Variants in ELF2 observed in about 807,000 individuals in gnomAD.
ELF2 encodes ETS-related transcription factor Elf-2.
In ELF2, 11 loss-of-function variants were observed where a neutral mutation model predicts 54.8. The observed-to-expected ratio is 0.20, with a 90% CI of 0.13 to 0.33. The LOEUF is 0.33. Ranked by LOEUF, ELF2 falls within the 10% of genes least tolerant of loss-of-function variation. The pLI, the probability that ELF2 is intolerant of heterozygous loss-of-function variation, is 1.00. For missense variants in ELF2, 513 were observed against 703.0 expected, an observed-to-expected ratio of 0.73 and a Z score of 3.06; for synonymous variants, 203 against 245.1, an observed-to-expected ratio of 0.83 and a Z score of 1.61.
chr4:139,125,716 G>C (rs1481429536), intron 3 of ELF2, among the ~76,000 whole-genome samples: 2 of 148,074 alleles, frequency 1.4e-5, no homozygotes, highest in East Asian at 4.1e-4. Flanking sequence ...CTGGAAGACT[G>C]AAAGTGTCTG....
rs1553959669 is a variant in ELF2, at chr4:139,092,414, T to TACATAACATAACATA, written c.239-18862_239-18848dup. Among the ~76,000 whole-genome samples the TACATAACATAACATA allele has an allele frequency of 5.1e-4, 45 of 87,818 alleles. 1 individual carries two copies. Among genetic ancestry groups the TACATAACATAACATA allele is most frequent in the African/African-American group, 1.8e-3 (43 of 23,354 alleles). 57.6% of individuals were successfully genotyped at this position (87,818 alleles called of 152,430 possible). A position where few individuals can be genotyped will look rare whatever the true frequency, so the allele number is the denominator to read the frequency against. On this transcript the variant is annotated intron_variant, in intron 4 of 9. Transcript: ENST00000686138. ...TAACATAACATAACATAACATAACA[T>TACATAACATAACATA]ACATAACATAACATAACATAACATA...
intron 4 of ELF2, among the ~76,000 whole-genome samples, chr4:139,098,494 A>G (rs746798031): frequency 9.5e-5 from 14 of 147,522 alleles, no homozygotes; most frequent in Non-Finnish European, 1.5e-4. Context: ...TTTGAGACAG[A>G]GCTTCACTCT....
intron 1 of ELF2, among the ~76,000 whole-genome samples, 193 bp downstream of exon 1, chr4:139,176,774 T>C (rs1742991512): frequency 6.6e-6 from 1 of 150,882 alleles, no homozygotes; most frequent in African/African-American, 2.4e-5. Context: ...CTGGGGACAC[T>C]CAGCCCCCTT....
chr4:139,064,532 G>C (rs1400197003), intron 7 of ELF2, among the ~76,000 whole-genome samples: 3 of 152,182 alleles, frequency 2.0e-5, no homozygotes, highest in Non-Finnish European at 4.4e-5. Flanking sequence ...TGAAAATCCA[G>C]TAAATTCATT....
intron 1 of ELF2, among the ~76,000 whole-genome samples, chr4:139,165,906 GTCA>G (rs761759313): frequency 1.3e-4 from 20 of 152,260 alleles, no homozygotes; most frequent in South Asian, 4.1e-4. Flanking sequence ...AATCTAATAT[GTCA>G]TCAGTCATAA....
At chr4:139,171,609 CA>C (rs112847959) in intron 1 of ELF2, among the ~76,000 whole-genome samples, 53,391 of 145,498 alleles carry the variant, frequency 0.37, 10,368 homozygotes, top group African/African-American at 0.53. Flanking sequence ...GAGAAAAAAA[CA>C]AAAAAAAAAA....
upstream of ELF2, among the ~76,000 whole-genome samples, chr4:139,177,461 C>T (rs1247899384): frequency 6.6e-6 from 1 of 152,050 alleles, no homozygotes; most frequent in Non-Finnish European, 1.5e-5. Flanking sequence ...CCCTCGGGCC[C>T]CCACCAGCCC....
At chr4:139,115,118 G>C in intron 4 of ELF2, 3 of 1,613,816 alleles carry the variant, frequency 1.9e-6, no homozygotes, top group Non-Finnish European at 1.7e-6. Flanking sequence ...TCCTCTTCCT[G>C]GCAGTCGTAG....
rs1727420200 is a variant in ELF2, at chr4:139,059,063, C to T, written c.1702G>A (p.Val568Ile). 6.2e-7 allele frequency: 1 copy of T among 1,613,942 alleles called. No homozygotes were observed. Among genetic ancestry groups the T allele is most frequent in the Non-Finnish European group, 8.5e-7 (1 of 1,179,846 alleles). ...PADGNKTVTH[V>I]VVVSAPSAIA... Reference sequence around the variant, plus strand: ...GCTGAAGGCGCACTGACAACCACTACGTGGGTCACTGTCTTATTTCCATCT... The same window carrying T: ...GCTGAAGGCGCACTGACAACCACTATGTGGGTCACTGTCTTATTTCCATCT... The change falls in exon 10 of 10, where the codon GTA (valine) becomes ATA (isoleucine). Residue 568 changes from valine to isoleucine, a missense_variant. This residue lies in a region of ELF2 where 291 missense variants were observed against 366.1 expected (regional missense o/e 0.79). Coordinates refer to ENST00000686138, the MANE Select transcript of ELF2 (RefSeq NM_001331036.3).
At chr4:139,120,923 T>G (rs190034916) in intron 4 of ELF2, among the ~76,000 whole-genome samples, 17 of 152,224 alleles carry the variant, frequency 1.1e-4, no homozygotes, top group Admixed American at 1.0e-3. Flanking sequence ...CAGTTTACAA[T>G]GCATTTCACC....
At chr4:139,082,935 G>A (rs1017016291) in intron 4 of ELF2, among the ~76,000 whole-genome samples, 1 of 152,200 alleles carries the variant, frequency 6.6e-6, no homozygotes, top group African/African-American at 2.4e-5. Flanking sequence ...CGCTGCAGCA[G>A]TGGCGCCGCA....
At chr4:139,141,297 G>A (rs775443556) in intron 1 of ELF2, among the ~76,000 whole-genome samples, 14 of 152,100 alleles carry the variant, frequency 9.2e-5, no homozygotes, top group African/African-American at 2.4e-4. Flanking sequence ...TTCATGTTAC[G>A]TAGGGACATA....
At position 139,106,435 on chromosome 4, in the gene ELF2, A is replaced by G. The variant is rs1419696305; in HGVS notation, c.238+18729T>C. Among the ~76,000 whole-genome samples, 3 of 152,176 alleles carry G rather than the reference A, an allele frequency of 2.0e-5. No homozygotes were observed. The South Asian group carries it at 6.2e-4, about 32-fold the overall frequency. On this transcript the variant is annotated intron_variant, in intron 4 of 9. Coordinates refer to ENST00000686138, the MANE Select transcript of ELF2 (RefSeq NM_001331036.3). ...AAATAATACATGGGTGAGACCTGGGAACAATAGTTTTTTAGCTTCTAACTA... is the reference window on the plus strand; with the variant it reads ...AAATAATACATGGGTGAGACCTGGGGACAATAGTTTTTTAGCTTCTAACTA...
intron 5 of ELF2, 69 bp downstream of exon 5, chr4:139,073,385 C>A (rs1290711539): frequency 2.6e-6 from 3 of 1,139,730 alleles, no homozygotes; most frequent in African/African-American, 1.6e-5. Context: ...ATTAAAAAAA[C>A]AAAAAACTTT....
intron 4 of ELF2, among the ~76,000 whole-genome samples, chr4:139,105,010 G>A (rs1012920299): frequency 2.0e-5 from 3 of 152,076 alleles, no homozygotes; most frequent in Admixed American, 1.3e-4. Context: ...ATTCAACAAC[G>A]AATTGTTCAC....
chr4:139,110,432 C>T (rs953459543), intron 4 of ELF2, among the ~76,000 whole-genome samples: 4 of 152,120 alleles, frequency 2.6e-5, no homozygotes, highest in African/African-American at 9.7e-5. Flanking sequence ...TAAAAAAAAA[C>T]TAATCTTTGT....
At chr4:139,137,980 G>A (rs1738343880) in intron 2 of ELF2, 113 bp from the exon 3 acceptor site, 1 of 694,330 alleles carries the variant, frequency 1.4e-6, no homozygotes, top group Non-Finnish European at 2.1e-6. Context: ...AAAGAAGACA[G>A]GCTTAACATC....
chr4:139,082,586 G>A (rs529966438), intron 4 of ELF2, among the ~76,000 whole-genome samples: 1 of 152,230 alleles, frequency 6.6e-6, no homozygotes, highest in Non-Finnish European at 1.5e-5. Context: ...AACCTAGAGC[G>A]CTTCCGTTAA....
At chr4:139,171,052 A>C (rs561511848) in intron 1 of ELF2, among the ~76,000 whole-genome samples, 51 of 151,968 alleles carry the variant, frequency 3.4e-4, no homozygotes, top group African/African-American at 1.2e-3. Flanking sequence ...AGCCCAAACA[A>C]CCCAATTTTA....
Sources: allele counts gnomAD v4.1 joint callset (sites outside exome capture counted in the v4.1 genomes callset), GRCh38; gene constraint gnomAD v4.1.1; regional missense constraint gnomAD v4.1.1; transcripts MANE v1.5; gene names NCBI Gene and HGNC (gene_info 2026-07-23, HGNC 2026-07-21).